The following NCALD variants were observed in gnomAD, a reference collection of about 807,000 sequenced individuals.
NCALD encodes the protein neurocalcin delta.
A neutral mutation model predicts 18.6 loss-of-function variants in NCALD; 10 were observed. That is an observed-to-expected ratio of 0.54 (90% CI 0.33 to 0.91). NCALD has a LOEUF of 0.91. Ranked by LOEUF, NCALD falls within the 40% of genes least tolerant of loss-of-function variation. The pLI, the probability that NCALD is intolerant of heterozygous loss-of-function variation, is 0.03. For missense variants in NCALD, 184 were observed against 247.6 expected, an observed-to-expected ratio of 0.74 and a Z score of 1.72; for synonymous variants, 88 against 87.4, an observed-to-expected ratio of 1.01 and a Z score of -0.04.
At chr8:101,977,762 T>C (rs924088556) in intron 2 of NCALD, among the ~76,000 whole-genome samples, 4 of 152,196 alleles carry the variant, frequency 2.6e-5, no homozygotes, top group Non-Finnish European at 5.9e-5. Context: ...TGCCCTTCCA[T>C]TTTGTTGACA....
At chr8:101,787,698 G>T (rs1812283979) in intron 1 of NCALD, among the ~76,000 whole-genome samples, 4 of 152,198 alleles carry the variant, frequency 2.6e-5, no homozygotes, top group East Asian at 1.9e-4. Context: ...GCCAAATAAG[G>T]TTCTGCATTC....
At chr8:101,832,290 A>AC (rs955238898) in intron 4 of NCALD, among the ~76,000 whole-genome samples, 2 of 151,794 alleles carry the variant, frequency 1.3e-5, no homozygotes, top group African/African-American at 4.8e-5. Context: ...AATCCATGGG[A>AC]CCTCCTCCTT....
chr8:102,001,864 C>A (rs1255722221), intron 2 of NCALD, among the ~76,000 whole-genome samples: 1 of 152,196 alleles, frequency 6.6e-6, no homozygotes, highest in African/African-American at 2.4e-5. Context: ...CCTAAAAGAG[C>A]TCCTGAGGGA....
intron 2 of NCALD, among the ~76,000 whole-genome samples, chr8:101,708,294 G>T (rs1815625891): frequency 1.3e-5 from 2 of 152,230 alleles, no homozygotes; most frequent in East Asian, 1.9e-4. Flanking sequence ...TGCCGGTAAA[G>T]ACAGCAGGTA....
In NCALD at chr8:101,870,600, C is replaced by G. The variant is rs139154632; in HGVS notation, c.-20+16541G>C. On this transcript the variant is annotated intron_variant, in intron 4 of 6. Transcript: ENST00000311028. ...GTGGCCCACACCCATGCAGTGAATT[C>G]CCTTCTGGAAGAGGCCAACTCATCA... is the stretch of plus-strand genomic sequence containing the variant. Among the ~76,000 whole-genome samples, 354 of 152,272 alleles carry G rather than the reference C, an allele frequency of 2.3e-3. 3 individuals carry two copies. Among genetic ancestry groups the G allele is most frequent in the African/African-American group, 7.8e-3 (326 of 41,550 alleles).
intron 2 of NCALD, among the ~76,000 whole-genome samples, chr8:101,947,140 CA>C (rs1428006094): frequency 6.6e-5 from 10 of 152,174 alleles, no homozygotes; most frequent in African/African-American, 2.2e-4. Flanking sequence ...ACAATCAAAG[CA>C]ATGGCTACTG....
chr8:101,740,034 C>T (rs1342306185), intron 1 of NCALD, among the ~76,000 whole-genome samples: 1 of 152,184 alleles, frequency 6.6e-6, no homozygotes, highest in Non-Finnish European at 1.5e-5. Flanking sequence ...GTAACAGTTG[C>T]TTAATAAAAA....
intron 2 of NCALD, among the ~76,000 whole-genome samples, chr8:101,940,166 GA>G (rs1240849656): frequency 6.6e-6 from 1 of 152,192 alleles, no homozygotes; most frequent in Non-Finnish European, 1.5e-5. Flanking sequence ...GGAGTACCTA[GA>G]AGAATATTCT....
chr8:101,688,427 G>C lies in NCALD; in HGVS notation c.*882C>G. ...ACAGATATGACTTCCAAACAAGACA[G>C]ACATTCATTATAGTTGTCTTACTTC... On this transcript the variant is annotated 3_prime_UTR_variant, in exon 4 of 4. Coordinates refer to ENST00000220931, the MANE Select transcript of NCALD (RefSeq NM_032041.3). 1 of 277,120 alleles carries C rather than the reference G, an allele frequency of 3.6e-6. No individual in the cohort carries two copies. The highest frequency in any genetic ancestry group is 7.2e-6 in the Non-Finnish European group (1 of 138,396). The allele number at this position is 277,120 out of a possible 1,614,324, so 17.2% of individuals were successfully genotyped here. A position where few individuals can be genotyped will look rare whatever the true frequency, so the allele number is the denominator to read the frequency against.
chr8:102,005,434 G>A (rs1821663733), intron 2 of NCALD, among the ~76,000 whole-genome samples: 1 of 152,204 alleles, frequency 6.6e-6, no homozygotes, highest in Non-Finnish European at 1.5e-5. Context: ...TGGTGGGACT[G>A]TAAACTAGTT....
At chr8:101,923,912 G>A (rs982435826) in intron 2 of NCALD, among the ~76,000 whole-genome samples, 1 of 152,114 alleles carries the variant, frequency 6.6e-6, no homozygotes, top group Admixed American at 6.5e-5. Flanking sequence ...TAGAAAGATA[G>A]TTTCTTTTTT....
At chr8:102,068,057 GAACTAGTTTTGC>G (rs1424518206) in intron 1 of NCALD, among the ~76,000 whole-genome samples, 1 of 152,182 alleles carries the variant, frequency 6.6e-6, no homozygotes, top group African/African-American at 2.4e-5. Context: ...AGACACATGA[GAACTAGTTTTGC>G]AACCTACCAC....
intron 3 of NCALD, among the ~76,000 whole-genome samples, chr8:101,902,285 TTTTTTTA>T (rs58780690): frequency 0.32 from 48,181 of 148,422 alleles, 8,830 homozygotes; most frequent in African/African-American, 0.53. Context: ...TTTTTTTTTT[TTTTTTTA>T]ACTTCATTTT....
chr8:101,808,840 C>T (rs919147585), intron 4 of NCALD, among the ~76,000 whole-genome samples: 1 of 152,042 alleles, frequency 6.6e-6, no homozygotes, highest in Admixed American at 6.6e-5. Flanking sequence ...TGGAGAAAAG[C>T]TGCCATTTCA....
At chr8:102,077,452 G>A (rs571237516) in intron 1 of NCALD, among the ~76,000 whole-genome samples, 5 of 152,184 alleles carry the variant, frequency 3.3e-5, no homozygotes, top group Non-Finnish European at 5.9e-5. Context: ...AAATTGTTTC[G>A]AAAGTAAAAG....
intron 1 of NCALD, among the ~76,000 whole-genome samples, chr8:101,781,846 T>C (rs1812026536): frequency 6.6e-6 from 1 of 152,108 alleles, no homozygotes; most frequent in Middle Eastern, 3.4e-3. Context: ...ATGTATAATT[T>C]ATAATATTTT....
intron 1 of NCALD, among the ~76,000 whole-genome samples, chr8:102,114,271 G>A (rs1016151388): frequency 6.6e-6 from 1 of 152,232 alleles, no homozygotes; most frequent in Non-Finnish European, 1.5e-5. Flanking sequence ...AGCTGGCCCA[G>A]CAGAGTCACG....
chr8:101,740,513 A>G (rs1643600022), intron 1 of NCALD, among the ~76,000 whole-genome samples: 1 of 152,232 alleles, frequency 6.6e-6, no homozygotes, highest in Non-Finnish European at 1.5e-5. Context: ...AGGGTATCTC[A>G]TGGTAGAAAG....
intron 4 of NCALD, among the ~76,000 whole-genome samples, chr8:101,879,831 C>T (rs1327577134): frequency 6.6e-6 from 1 of 152,182 alleles, no homozygotes; most frequent in Admixed American, 6.5e-5. Context: ...TAGACACAGG[C>T]TGCTGACTGG....
Sources: gnomAD v4.1 joint callset for allele counts (sites outside exome capture counted in the v4.1 genomes callset) on GRCh38, gnomAD v4.1.1 for gene constraint, MANE v1.5 for transcripts, NCBI Gene and HGNC (gene_info 2026-07-23, HGNC 2026-07-21) for gene names.